STK17B: variants seen among roughly 807,000 people sequenced by gnomAD.
STK17B encodes serine/threonine-protein kinase 17B.
A neutral mutation model predicts 42.0 loss-of-function variants in STK17B; 21 were observed. The ratio of observed to expected loss-of-function variants is 0.50; its 90% confidence interval spans 0.35 to 0.72. STK17B has a LOEUF of 0.72. STK17B is among the 30% of genes least tolerant of loss of function. The pLI is 0.00. For synonymous variants in STK17B, 143 were observed against 148.4 expected (o/e 0.96, Z 0.26); for missense variants, 349 against 446.0 (o/e 0.78, Z 1.96).
intron 3 of STK17B, chr2:196,153,541 T>G (rs760011546): frequency 2.6e-5 from 4 of 151,474 alleles, no homozygotes; most frequent in Non-Finnish European, 5.9e-5. Context: ...ATAACGATGC[T>G]CCGTTAAAAG....
chr2:196,148,794 C>G (rs1227752192), intron 3 of STK17B, among the ~76,000 whole-genome samples: 1 of 152,176 alleles, frequency 6.6e-6, no homozygotes, highest in Non-Finnish European at 1.5e-5. Context: ...AACCAGAACA[C>G]TCCACCAATT....
At chr2:196,162,681 T>C (rs4850674) in intron 2 of STK17B, among the ~76,000 whole-genome samples, 95,005 of 151,694 alleles carry the variant, frequency 0.63, 29,852 homozygotes, top group South Asian at 0.67. Context: ...GAGGATTGCT[T>C]GAACCCAGGA....
intron 1 of STK17B, 81 bp from the exon 2 acceptor site, chr2:196,163,508 TA>T: frequency 1.9e-6 from 2 of 1,059,478 alleles, no homozygotes; most frequent in Non-Finnish European, 2.5e-6. Flanking sequence ...CAAATATAGC[TA>T]TAAAATACAA....
intron 3 of STK17B, among the ~76,000 whole-genome samples, chr2:196,155,527 G>A (rs1333119432): frequency 6.6e-6 from 1 of 152,108 alleles, no homozygotes. Context: ...AATGATGCAA[G>A]TTAGTTACTA....
intron 2 of STK17B, among the ~76,000 whole-genome samples, chr2:196,160,415 A>G (rs575171990): frequency 6.6e-6 from 1 of 152,370 alleles, no homozygotes; most frequent in East Asian, 1.9e-4. Flanking sequence ...TTTTGAGAAT[A>G]GTAAAAAATG....
intron 3 of STK17B, among the ~76,000 whole-genome samples, chr2:196,149,041 T>C (rs1249094860): frequency 2.6e-5 from 4 of 152,156 alleles, no homozygotes; most frequent in African/African-American, 9.7e-5. Flanking sequence ...GGTCTAAGAA[T>C]TAAATTGGAT....
chr2:196,137,800 T>A (rs1699429905), intron 7 of STK17B, 71 bp from the exon 8 acceptor site: 2 of 1,494,308 alleles, frequency 1.3e-6, no homozygotes, highest in Admixed American at 4.4e-5. Flanking sequence ...GTTTGATAGA[T>A]TATAGACATA....
chr2:196,157,210 A>AACTCC (rs1348725897), intron 2 of STK17B, among the ~76,000 whole-genome samples: 7 of 152,134 alleles, frequency 4.6e-5, no homozygotes, highest in Non-Finnish European at 8.8e-5. Context: ...TTTGCACACC[A>AACTCC]ACTCCATGCC....
chr2:196,147,986 C>A (rs577034600), intron 3 of STK17B, among the ~76,000 whole-genome samples: 1 of 152,022 alleles, frequency 6.6e-6, no homozygotes, highest in African/African-American at 2.4e-5. Flanking sequence ...TCTTGGCCTC[C>A]CAAAGTGTTG....
chr2:196,144,888 C>G (rs186860986), intron 4 of STK17B, among the ~76,000 whole-genome samples: 173 of 152,072 alleles, frequency 1.1e-3, no homozygotes, highest in Middle Eastern at 0.01. Flanking sequence ...AAGCACAGAG[C>G]CTATTACAGG....
intron 7 of STK17B, among the ~76,000 whole-genome samples, chr2:196,138,131 T>C (rs960916063): frequency 1.3e-5 from 2 of 152,230 alleles, no homozygotes; most frequent in Non-Finnish European, 2.9e-5. Flanking sequence ...CCATATTATC[T>C]CTCATGAAGA....
At chr2:196,164,207 G>C (rs745646328) in intron 1 of STK17B, among the ~76,000 whole-genome samples, 4 of 152,244 alleles carry the variant, frequency 2.6e-5, no homozygotes, top group Admixed American at 2.0e-4. Context: ...TGACGTGAAG[G>C]ACTACAAGAA....
rs1699412669 is a variant in STK17B, at chr2:196,136,855, T to C, written c.*592A>G. ...CTGATCAGGTTTCTAACTCCCTCTT[T>C]GCTCTAGTTAAAGGATCTCTCTCAT... On this transcript the variant is annotated 3_prime_UTR_variant, in exon 8 of 8. Coordinates refer to ENST00000263955, the MANE Select transcript of STK17B (RefSeq NM_004226.4). 1 of 152,266 alleles carries C rather than the reference T, an allele frequency of 6.6e-6. No individual in the cohort carries two copies. Among genetic ancestry groups the C allele is most frequent in the Non-Finnish European group, 1.5e-5 (1 of 68,068 alleles). 9.4% of individuals were successfully genotyped at this position (152,266 alleles called of 1,614,324 possible). A position where few individuals can be genotyped will look rare whatever the true frequency, so the allele number is the denominator to read the frequency against.
chr2:196,139,612 T>C lies in STK17B; in HGVS notation c.836+8A>G, dbSNP rs752836262. On this transcript the variant is annotated splice_region_variant and intron_variant, in intron 7 of 7. Transcript: ENST00000263955. ...TTTGTAATAGTATTTAAACAAATTATTACTTACTCTGGATTTTTTACTAAA... is the reference window on the plus strand; with the variant it reads ...TTTGTAATAGTATTTAAACAAATTACTACTTACTCTGGATTTTTTACTAAA... The C allele has an allele frequency of 7.4e-7, 1 of 1,357,910 alleles. No individual in the cohort carries two copies. Among genetic ancestry groups the C allele is most frequent in the Non-Finnish European group, 9.6e-7 (1 of 1,046,350 alleles). The allele number at this position is 1,357,910 out of a possible 1,614,324, so 84.1% of individuals were successfully genotyped here.
rs989369026 is a variant in STK17B, at chr2:196,159,250, T to C, written c.123-2599A>G. ...CAATTCAGTTCTGCAATAATTTTAT[T>C]ATTTATTTTATCTGTAAATAACACT... On this transcript the variant is annotated intron_variant, in intron 2 of 7. Coordinates refer to ENST00000263955, the MANE Select transcript of STK17B (RefSeq NM_004226.4). Among the ~76,000 whole-genome samples the C allele has an allele frequency of 9.2e-5, 14 of 152,132 alleles. 1 individual carries two copies. The Middle Eastern group carries it at 0.021, about 223-fold the overall frequency.
intron 7 of STK17B, 97 bp from the exon 8 acceptor site, chr2:196,137,826 G>T: frequency 7.4e-7 from 1 of 1,344,668 alleles, no homozygotes; most frequent in Non-Finnish European, 1.0e-6. Flanking sequence ...TACTTCTTGT[G>T]AAAATAAAAC....
At chr2:196,138,725 G>A (rs976263919) in intron 7 of STK17B, among the ~76,000 whole-genome samples, 1 of 151,958 alleles carries the variant, frequency 6.6e-6, no homozygotes, top group African/African-American at 2.4e-5. Flanking sequence ...ATAGGTGCAT[G>A]CCACCATGCC....
At chr2:196,144,153 C>T (rs1478552093) in intron 4 of STK17B, among the ~76,000 whole-genome samples, 1 of 149,072 alleles carries the variant, frequency 6.7e-6, no homozygotes, top group Non-Finnish European at 1.5e-5. Context: ...GCCTGTGCAA[C>T]ATAGTGAGAC....
intron 1 of STK17B, among the ~76,000 whole-genome samples, chr2:196,167,024 C>T (rs1399597223): frequency 6.6e-6 from 1 of 152,154 alleles, no homozygotes; most frequent in African/African-American, 2.4e-5. Context: ...CATTTCCTGC[C>T]GCACTCATAT....
Sources: gnomAD v4.1 joint callset for allele counts (sites outside exome capture counted in the v4.1 genomes callset) on GRCh38, gnomAD v4.1.1 for gene constraint, MANE v1.5 for transcripts, NCBI Gene and HGNC (gene_info 2026-07-23, HGNC 2026-07-21) for gene names.